The following FAM168A variants were observed in gnomAD, a reference collection of about 807,000 sequenced individuals.
The protein encoded by FAM168A is family with sequence similarity 168 member A.
In FAM168A, 3 loss-of-function variants were observed where a neutral mutation model predicts 28.5. The ratio of observed to expected loss-of-function variants is 0.11; its 90% confidence interval spans 0.05 to 0.27. FAM168A has a LOEUF of 0.27. Among genes scored for constraint, FAM168A ranks in the 10% least tolerant of loss-of-function variants. FAM168A has a pLI of 1.00. For missense variants in FAM168A, 222 were observed against 311.5 expected, an observed-to-expected ratio of 0.71 and a Z score of 2.16; for synonymous variants, 122 against 124.2, an observed-to-expected ratio of 0.98 and a Z score of 0.12.
chr11:73,409,152 C>A (rs1274060033), intron 6 of FAM168A, among the ~76,000 whole-genome samples: 1 of 152,200 alleles, frequency 6.6e-6, no homozygotes, highest in Non-Finnish European at 1.5e-5. Flanking sequence ...GATCCAGCCA[C>A]CTTCCAACTC....
At chr11:73,499,746 C>T (rs1158518306) in intron 1 of FAM168A, among the ~76,000 whole-genome samples, 4 of 151,804 alleles carry the variant, frequency 2.6e-5, no homozygotes, top group African/African-American at 4.8e-5. Context: ...TATCAACAGC[C>T]GAATCAGCCA....
intron 1 of FAM168A, among the ~76,000 whole-genome samples, chr11:73,572,837 AT>A (rs1225469580): frequency 1.3e-5 from 2 of 152,046 alleles, no homozygotes; most frequent in Non-Finnish European, 2.9e-5. Flanking sequence ...ACCCTGCCAA[AT>A]CCCCCTCTGT....
intron 1 of FAM168A, among the ~76,000 whole-genome samples, chr11:73,496,735 T>C (rs1166523369): frequency 3.3e-5 from 5 of 152,146 alleles, no homozygotes; most frequent in African/African-American, 1.2e-4. Flanking sequence ...TAATTTTTTG[T>C]ATTTTTAGTA....
At chr11:73,548,875 G>T (rs560305902) in intron 1 of FAM168A, among the ~76,000 whole-genome samples, 2 of 152,160 alleles carry the variant, frequency 1.3e-5, no homozygotes, top group East Asian at 3.9e-4. Flanking sequence ...GCCTCAAGTG[G>T]TCCTCCCTCC....
intron 1 of FAM168A, among the ~76,000 whole-genome samples, chr11:73,568,514 T>C (rs747450228): frequency 6.6e-6 from 1 of 152,228 alleles, no homozygotes; most frequent in Non-Finnish European, 1.5e-5. Context: ...AGCTATGCTA[T>C]GACATGACTG....
intron 2 of FAM168A, among the ~76,000 whole-genome samples, chr11:73,433,951 T>C (rs1867044777): frequency 6.6e-6 from 1 of 150,622 alleles, no homozygotes; most frequent in South Asian, 2.1e-4. Context: ...GTTCAAGAGA[T>C]TATCCTGCCT....
chr11:73,430,791 G>A (rs1866976242), intron 2 of FAM168A, 21 bp from the exon 3 acceptor site: 2 of 1,541,472 alleles, frequency 1.3e-6, no homozygotes, highest in Non-Finnish European at 1.8e-6. Flanking sequence ...ATAAGAAAAG[G>A]CTTATTTAGT....
intron 1 of FAM168A, among the ~76,000 whole-genome samples, chr11:73,495,611 A>G (rs1377943073): frequency 1.3e-5 from 2 of 152,256 alleles, no homozygotes; most frequent in African/African-American, 4.8e-5. Flanking sequence ...AAAATGGATA[A>G]AGAACTTGAA....
intron 2 of FAM168A, among the ~76,000 whole-genome samples, chr11:73,456,554 A>C (rs192867550): frequency 1.2e-3 from 185 of 152,338 alleles, no homozygotes; most frequent in African/African-American, 4.2e-3. Flanking sequence ...AAAAGAAAAA[A>C]AAAATCCTTA....
At chr11:73,566,493 A>C (rs945364635) in intron 1 of FAM168A, among the ~76,000 whole-genome samples, 2 of 152,222 alleles carry the variant, frequency 1.3e-5, no homozygotes, top group African/African-American at 2.4e-5. Context: ...ATCCACATGG[A>C]AAGACAATTA....
chr11:73,546,291 G>C (rs1943751557), intron 1 of FAM168A, among the ~76,000 whole-genome samples: 1 of 152,198 alleles, frequency 6.6e-6, no homozygotes, highest in Admixed American at 6.5e-5. Context: ...CCTATGTGGG[G>C]GGCGGGAAGT....
At chr11:73,519,668 G>C (rs1205903122) in intron 1 of FAM168A, among the ~76,000 whole-genome samples, 1 of 152,090 alleles carries the variant, frequency 6.6e-6, no homozygotes, top group Admixed American at 6.5e-5. Context: ...CATGAGCAAA[G>C]TCACTGAAGG....
At chr11:73,567,456 T>C (rs949408597) in intron 1 of FAM168A, among the ~76,000 whole-genome samples, 11 of 152,172 alleles carry the variant, frequency 7.2e-5, no homozygotes, top group African/African-American at 2.7e-4. Flanking sequence ...AAATTCTCAA[T>C]GTGGTGAGAA....
intron 1 of FAM168A, among the ~76,000 whole-genome samples, chr11:73,493,710 C>A (rs544227367): frequency 3.9e-5 from 6 of 152,238 alleles, no homozygotes; most frequent in Non-Finnish European, 5.9e-5. Flanking sequence ...AGCCACCATG[C>A]GCAGCCTTGT....
intron 1 of FAM168A, among the ~76,000 whole-genome samples, chr11:73,514,487 GA>G (rs1054054518): frequency 2.0e-5 from 3 of 152,082 alleles, no homozygotes; most frequent in African/African-American, 7.2e-5. Flanking sequence ...CTCTAGGGGA[GA>G]AAAAAACAAT....
At chr11:73,473,984 A>G (rs1867852175) in intron 1 of FAM168A, among the ~76,000 whole-genome samples, 1 of 151,854 alleles carries the variant, frequency 6.6e-6, no homozygotes, top group Non-Finnish European at 1.5e-5. Context: ...TAATTTTTGT[A>G]TTTTTAGTAG....
At position 73,400,806 on chromosome 11, in the gene FAM168A, G is replaced by T. The variant is rs74711832; in HGVS notation, c.*5957C>A. ...TCACCTAAGACTTTTTTTTGGGGGG[G>T]AATTTTTTTTTTTAATAGTTATTGA... is the stretch of plus-strand genomic sequence containing the variant. On this transcript the variant is annotated 3_prime_UTR_variant, in exon 8 of 8. Transcript: ENST00000356467. 1.3e-5 allele frequency: 2 copies of T among 149,940 alleles called. No homozygotes were observed. Among genetic ancestry groups the T allele is most frequent in the African/African-American group, 4.9e-5 (2 of 41,158 alleles). 9.3% of individuals were successfully genotyped at this position (149,940 alleles called of 1,614,324 possible).
chr11:73,543,262 C>CTTTTTT (rs58715872), intron 1 of FAM168A, among the ~76,000 whole-genome samples: 61 of 111,822 alleles, frequency 5.5e-4, no homozygotes, highest in African/African-American at 1.5e-3. Flanking sequence ...ATTAATTGTT[C>CTTTTTT]TTTTTTTTTT....
intron 2 of FAM168A, 101 bp downstream of exon 2, chr11:73,468,304 C>T: frequency 9.1e-7 from 1 of 1,101,750 alleles, no homozygotes; most frequent in East Asian, 2.4e-5. Context: ...CCCAAACTTT[C>T]CCAAGACTTT....
Sources: gnomAD v4.1 joint callset for allele counts (sites outside exome capture counted in the v4.1 genomes callset) on GRCh38, gnomAD v4.1.1 for gene constraint, MANE v1.5 for transcripts, NCBI Gene and HGNC (gene_info 2026-07-23, HGNC 2026-07-21) for gene names.